CCDC85A: variants seen among roughly 807,000 people sequenced by gnomAD.
CCDC85A encodes the protein coiled-coil domain containing 85A, also known as coiled-coil domain-containing protein 85A.
A neutral mutation model predicts 50.2 loss-of-function variants in CCDC85A; 38 were observed. The observed-to-expected ratio is 0.76, with a 90% CI of 0.58 to 0.99. The LOEUF is 0.99. Among genes scored for constraint, CCDC85A ranks in the 50% least tolerant of loss-of-function variants. The pLI is 0.00. For synonymous variants in CCDC85A, 366 were observed against 301.4 expected (o/e 1.21, Z -2.22); for missense variants, 820 against 742.0 (o/e 1.11, Z -1.22).
At chr2:56,312,022 C>T (rs890043196) in intron 2 of CCDC85A, among the ~76,000 whole-genome samples, 7 of 152,128 alleles carry the variant, frequency 4.6e-5, no homozygotes, top group African/African-American at 1.7e-4. Flanking sequence ...TAAGGACGGT[C>T]GGGGCACTTG....
At chr2:56,371,314 CT>C (rs1161286798) in intron 3 of CCDC85A, among the ~76,000 whole-genome samples, 2 of 151,936 alleles carry the variant, frequency 1.3e-5, no homozygotes, top group Non-Finnish European at 2.9e-5. Flanking sequence ...GGTGCATTTT[CT>C]TTTTTCAACC....
intron 2 of CCDC85A, among the ~76,000 whole-genome samples, chr2:56,223,995 G>A (rs1021700800): frequency 3.9e-5 from 6 of 152,102 alleles, no homozygotes; most frequent in African/African-American, 1.4e-4. Flanking sequence ...CTACTAAAGT[G>A]TACAGTCCAA....
intron 2 of CCDC85A, among the ~76,000 whole-genome samples, chr2:56,316,733 A>T (rs1212517471): frequency 6.6e-6 from 1 of 152,142 alleles, no homozygotes; most frequent in Non-Finnish European, 1.5e-5. Context: ...TTTTGTACAG[A>T]CACATAGTTG....
intron 2 of CCDC85A, among the ~76,000 whole-genome samples, chr2:56,239,924 T>A (rs1397466807): frequency 6.6e-6 from 1 of 152,192 alleles, no homozygotes; most frequent in Non-Finnish European, 1.5e-5. Context: ...GGTAAGTTTA[T>A]AATGGAATTG....
At chr2:56,201,064 T>C (rs1186997950) in intron 2 of CCDC85A, among the ~76,000 whole-genome samples, 1 of 61,960 alleles carries the variant, frequency 1.6e-5, no homozygotes, top group Admixed American at 1.8e-4. Flanking sequence ...ATTTCAATTA[T>C]TTCATCTCTC....
At chr2:56,269,334 G>GGGGTGT (rs1553402512) in intron 2 of CCDC85A, among the ~76,000 whole-genome samples, 2 of 149,306 alleles carry the variant, frequency 1.3e-5, no homozygotes, top group South Asian at 2.2e-4. Flanking sequence ...CCTTGGCAAG[G>GGGGTGT]GTGTGTGTGT....
chr2:56,386,163 T>G lies in CCDC85A; in HGVS notation c.*1808T>G, dbSNP rs1676809203. The stretch of plus-strand genomic sequence containing the variant: ...TCATCTTAGCAATGGTAATAAATTA[T>G]TTAATCTCACAGTGTCTTTGTCTTC... On this transcript the variant is annotated 3_prime_UTR_variant, in exon 6 of 6. Coordinates refer to ENST00000407595, the MANE Select transcript of CCDC85A (RefSeq NM_001080433.2). 1 of 152,264 alleles carries G rather than the reference T, an allele frequency of 6.6e-6. No homozygotes were observed. The highest frequency in any genetic ancestry group is 1.5e-5 in the Non-Finnish European group (1 of 67,836). 9.4% of individuals were successfully genotyped at this position (152,264 alleles called of 1,614,324 possible).
At chr2:56,355,076 C>T (rs545042256) in intron 3 of CCDC85A, among the ~76,000 whole-genome samples, 219 of 152,310 alleles carry the variant, frequency 1.4e-3, no homozygotes, top group Non-Finnish European at 2.1e-3. Flanking sequence ...AAGTCTAGTC[C>T]TGTGGGTTTC....
At chr2:56,217,741 C>T (rs1181609488) in intron 2 of CCDC85A, among the ~76,000 whole-genome samples, 1 of 151,522 alleles carries the variant, frequency 6.6e-6, no homozygotes, top group Non-Finnish European at 1.5e-5. Flanking sequence ...CTTCTAAAAG[C>T]TTGATGTAGT....
chr2:56,317,995 C>A (rs888543788), intron 2 of CCDC85A, among the ~76,000 whole-genome samples: 2 of 152,074 alleles, frequency 1.3e-5, no homozygotes, highest in Non-Finnish European at 2.9e-5. Flanking sequence ...TCTACTCAAA[C>A]ACCTTCTTTT....
chr2:56,222,594 C>T (rs1668373869), intron 2 of CCDC85A, among the ~76,000 whole-genome samples: 1 of 152,092 alleles, frequency 6.6e-6, no homozygotes, highest in South Asian at 2.1e-4. Flanking sequence ...TTAGGGAACC[C>T]ATCATGGGTA....
chr2:56,258,206 GAGA>G (rs1468087344), intron 2 of CCDC85A, among the ~76,000 whole-genome samples: 1 of 152,154 alleles, frequency 6.6e-6, no homozygotes, highest in Non-Finnish European at 1.5e-5. Flanking sequence ...ATGGCTGTGG[GAGA>G]AGATGAAGAA....
At chr2:56,277,763 A>G (rs1472239398) in intron 2 of CCDC85A, among the ~76,000 whole-genome samples, 1 of 152,224 alleles carries the variant, frequency 6.6e-6, no homozygotes, top group Non-Finnish European at 1.5e-5. Flanking sequence ...AGAGTCTCCT[A>G]AGGAGCTGCC....
chr2:56,196,894 A>G (rs1676547073), intron 2 of CCDC85A, among the ~76,000 whole-genome samples: 2 of 152,180 alleles, frequency 1.3e-5, no homozygotes, highest in Admixed American at 1.3e-4. Context: ...CAAAAAAAAA[A>G]AAAAAAAAGG....
At chr2:56,240,620 A>G (rs956377462) in intron 2 of CCDC85A, among the ~76,000 whole-genome samples, 5 of 152,158 alleles carry the variant, frequency 3.3e-5, no homozygotes, top group African/African-American at 4.8e-5. Flanking sequence ...TGGACATATC[A>G]TACAAATGGA....
chr2:56,272,945 G>A (rs201471602), intron 2 of CCDC85A, among the ~76,000 whole-genome samples: 6 of 104,674 alleles, frequency 5.7e-5, no homozygotes, highest in Non-Finnish European at 4.1e-5. Context: ...ATTGGAAAAA[G>A]AAAAAGAGAG....
intron 2 of CCDC85A, among the ~76,000 whole-genome samples, chr2:56,286,812 G>A (rs989834503): frequency 6.6e-6 from 1 of 152,156 alleles, no homozygotes; most frequent in Non-Finnish European, 1.5e-5. Context: ...ATTCCTGGTA[G>A]GGAATCTGGG....
chr2:56,255,592 G>A (rs368164236), intron 2 of CCDC85A, among the ~76,000 whole-genome samples: 2 of 152,150 alleles, frequency 1.3e-5, no homozygotes, highest in African/African-American at 2.4e-5. Context: ...CTTTCAGAAG[G>A]AAGGAGGGCC....
intron 1 of CCDC85A, among the ~76,000 whole-genome samples, chr2:56,185,387 C>T (rs1257792068): frequency 6.6e-6 from 1 of 152,090 alleles, no homozygotes; most frequent in African/African-American, 2.4e-5. Context: ...GCGGGGCGCC[C>T]GGGAGAAGCA....
Sources: allele counts gnomAD v4.1 joint callset (sites outside exome capture counted in the v4.1 genomes callset), GRCh38; gene constraint gnomAD v4.1.1; transcripts MANE v1.5; gene names NCBI Gene and HGNC (gene_info 2026-07-23, HGNC 2026-07-21).